LOC400499: variants seen among roughly 807,000 people sequenced by gnomAD.
At chr16:11,396,453 C>A in the LOC400499 span, 13,185 of 1,229,998 alleles carry the variant, frequency 0.011, 105 homozygotes, top group Non-Finnish European at 0.012. Context: ...CAGGGAGGAA[C>A]CGCAGGGATG....
At chr16:11,376,828 T>C in the LOC400499 span, among the ~76,000 whole-genome samples, 2 of 152,224 alleles carry the variant, frequency 1.3e-5, no homozygotes, top group Admixed American at 6.5e-5. Flanking sequence ...AAATATGAGA[T>C]GCCTTTACAT....
chr16:11,391,617 G>A, the LOC400499 span: 2 of 1,227,500 alleles, frequency 1.6e-6, no homozygotes, highest in Non-Finnish European at 2.0e-6. Flanking sequence ...GTGGAGAGGG[G>A]GGACATTGAT....
At chr16:11,461,693 C>CG in the LOC400499 span, among the ~76,000 whole-genome samples, 1 of 152,134 alleles carries the variant, frequency 6.6e-6, no homozygotes, top group African/African-American at 2.4e-5. Context: ...ACACCCACAT[C>CG]GGGGGGTCCA....
the LOC400499 span, among the ~76,000 whole-genome samples, chr16:11,375,174 T>C: frequency 0.57 from 77,757 of 136,674 alleles, 25,771 homozygotes; most frequent in Non-Finnish European, 0.63. Context: ...AATTGCCATA[T>C]TGTCTTCCAT....
the LOC400499 span, among the ~76,000 whole-genome samples, chr16:11,524,361 G>GCCCCCCCCCCCCC: frequency 3.2e-5 from 3 of 93,738 alleles, no homozygotes; most frequent in East Asian, 3.1e-4. Flanking sequence ...CATCCACCCA[G>GCCCCCCCCCCCCC]CCACCCACCC....
At chr16:11,475,662 G>C in the LOC400499 span, 66,598 of 398,964 alleles carry the variant, frequency 0.17, 6,130 homozygotes, top group Non-Finnish European at 0.19. Flanking sequence ...AGAAGGGCCA[G>C]GGACATGTCT....
the LOC400499 span, chr16:11,392,253 G>A: frequency 7.5e-6 from 3 of 398,914 alleles, no homozygotes; most frequent in South Asian, 1.3e-4. Flanking sequence ...CTCCTGGCAC[G>A]GGGGCCTCTG....
At chr16:11,461,045 C>T in the LOC400499 span, 2 of 1,536,158 alleles carry the variant, frequency 1.3e-6, no homozygotes, top group Non-Finnish European at 1.7e-6. Context: ...CGAAGCCCCA[C>T]CAGCCCTGGC....
chr16:11,422,218 T>C, the LOC400499 span, among the ~76,000 whole-genome samples: 1 of 152,154 alleles, frequency 6.6e-6, no homozygotes, highest in Non-Finnish European at 1.5e-5. Context: ...CTGGCCAACA[T>C]GGTGAAACCC....
At chr16:11,507,370 C>T in the LOC400499 span, among the ~76,000 whole-genome samples, 14,135 of 152,022 alleles carry the variant, frequency 0.093, 1,891 homozygotes, top group African/African-American at 0.3. Context: ...CTCCCCCACA[C>T]ACTCCACAAA....
At chr16:11,399,562 GCAGGCCTGGAGGCTGTTCAGGCCCCA>G in the LOC400499 span, 1 of 398,676 alleles carries the variant, frequency 2.5e-6, no homozygotes, top group Non-Finnish European at 4.4e-6. Context: ...TGAAGGCCCC[GCAGGCCTGGAGGCTGTTCAGGCCCCA>G]GGTTTCCTGG....
the LOC400499 span, among the ~76,000 whole-genome samples, chr16:11,513,372 C>G: frequency 6.8e-6 from 1 of 147,286 alleles, no homozygotes; most frequent in Non-Finnish European, 1.5e-5. Context: ...GACCACTGCT[C>G]TCCAGCCTGG....
At chr16:11,517,649 G>A in the LOC400499 span, among the ~76,000 whole-genome samples, 1 of 152,194 alleles carries the variant, frequency 6.6e-6, no homozygotes, top group East Asian at 1.9e-4. Context: ...CCCGAGACGG[G>A]GGCCTTCTTG....
chr16:11,427,115 T>G, the LOC400499 span, among the ~76,000 whole-genome samples: 3 of 151,684 alleles, frequency 2.0e-5, no homozygotes, highest in African/African-American at 7.3e-5. Flanking sequence ...CCCAGCACTT[T>G]GGGAGGCCTA....
chr16:11,426,132 C>T, the LOC400499 span, among the ~76,000 whole-genome samples: 2 of 152,186 alleles, frequency 1.3e-5, no homozygotes, highest in African/African-American at 4.8e-5. Context: ...ATATTCAACA[C>T]CCATTCTTAA....
At chr16:11,441,924 C>T in the LOC400499 span, among the ~76,000 whole-genome samples, 1 of 152,222 alleles carries the variant, frequency 6.6e-6, no homozygotes, top group Non-Finnish European at 1.5e-5. Context: ...TTTTAAACCA[C>T]TAAGATTTCA....
At chr16:11,392,161 C>T in the LOC400499 span, 5 of 399,036 alleles carry the variant, frequency 1.3e-5, no homozygotes, top group South Asian at 3.8e-4. Context: ...ACAAGGTTCT[C>T]GGTGCCAGCA....
At chr16:11,489,032 G>A in the LOC400499 span, among the ~76,000 whole-genome samples, 1 of 152,230 alleles carries the variant, frequency 6.6e-6, no homozygotes, top group Non-Finnish European at 1.5e-5. Flanking sequence ...CTCTCAAACA[G>A]CAGCCAACAA....
the LOC400499 span, among the ~76,000 whole-genome samples, chr16:11,410,061 T>C: frequency 3.3e-5 from 5 of 152,164 alleles, no homozygotes; most frequent in Admixed American, 6.6e-5. Flanking sequence ...GGAGGATCAC[T>C]TGCACCCAGG....
Sources: gnomAD v4.1 joint callset for allele counts (sites outside exome capture counted in the v4.1 genomes callset) on GRCh38, gnomAD v4.1.1 for gene constraint, MANE v1.5 for transcripts.